ABCD4: variants seen among roughly 807,000 people sequenced by gnomAD.
ABCD4 encodes the protein ATP binding cassette subfamily D member 4, also known as lysosomal cobalamin transporter ABCD4.
A neutral mutation model predicts 86.3 loss-of-function variants in ABCD4; 53 were observed. That is an observed-to-expected ratio of 0.61 (90% confidence interval 0.49 to 0.77). The LOEUF (loss-of-function observed/expected upper bound fraction) is 0.77. Ranked by LOEUF, ABCD4 falls within the 30% of genes least tolerant of loss-of-function variation. ABCD4 has a pLI of 0.00. For synonymous variants in ABCD4, 328 were observed against 313.6 expected, an observed-to-expected ratio of 1.05 and a Z score of -0.49; for missense variants, 757 against 764.5, an observed-to-expected ratio of 0.99 and a Z score of 0.12.
Position 74,288,725 on chromosome 14 carries a change from C to T in ABCD4, c.1497G>A (p.Leu499=). ...CCCTCTCCCCACTTACCAGGCCTGC[C>T]AATTCCAAGAACCTCAAGATCCTCT... is the stretch of plus-strand genomic sequence containing the variant. ...DDERILRFLE[L]AGLSNLVART... The change falls in exon 15 of 19, where the codon TTG becomes TTA. Residue 499 remains leucine, a synonymous_variant. Transcript: ENST00000356924. The T allele has an allele frequency of 1.9e-6, 3 of 1,613,734 alleles. No individual in the cohort carries two copies. The highest frequency in any genetic ancestry group is 4.5e-5 in the East Asian group (2 of 44,872).
chr14:74,299,453 T>TTGCTTCC, intron 3 of ABCD4, 95 bp downstream of exon 3: 1 of 1,497,776 alleles, frequency 6.7e-7, no homozygotes, highest in Non-Finnish European at 9.1e-7. Flanking sequence ...CCCCCACAGC[T>TTGCTTCC]TGCTTCCTGC....
intron 13 of ABCD4, 121 bp from the exon 14 acceptor site, chr14:74,289,640 G>A: frequency 6.7e-7 from 1 of 1,501,382 alleles, no homozygotes. Flanking sequence ...GGAACGCCTG[G>A]CCTGGGTCAG....
chr14:74,300,136 G>A lies in ABCD4; in HGVS notation c.157+14C>T, dbSNP rs766056884. ...AGCTCCCCTCCCTCCTCTAGTCTGG[G>A]CTCACTCACTCACCCAGTAGGGTCA... is the stretch of plus-strand genomic sequence containing the variant. On this transcript the variant is annotated intron_variant, in intron 2 of 18. Transcript: ENST00000356924. The A allele has an allele frequency of 1.9e-6, 3 of 1,540,956 alleles. No individual in the cohort carries two copies. The highest frequency in any genetic ancestry group is 1.1e-5 in the South Asian group (1 of 89,414).
rs200099391 is a variant in ABCD4 at position 74,290,313 on chromosome 14, A to T, written c.1305T>A (p.Gly435=). 1.2e-6 allele frequency: 2 copies of T among 1,614,130 alleles called. No individual in the cohort carries two copies. Among genetic ancestry groups the T allele is most frequent in the East Asian group, 4.5e-5 (2 of 44,876 alleles). ...TGKTSLLRVL[G]GLWTSTRGSV... is the part of the protein sequence containing the mutation. The stretch of plus-strand genomic sequence containing the variant: ...CACCCCGTGTACTCGTCCAGAGGCC[A>T]CCCAGAACCCGGAGCAAGGAGGTCT... The change falls in exon 12 of 19, where the codon GGT becomes GGA. Residue 435 remains glycine, a synonymous_variant. Coordinates refer to ENST00000356924, the MANE Select transcript of ABCD4 (RefSeq NM_005050.4).
At position 74,286,237 on chromosome 14, in the gene ABCD4, A is replaced by G. The variant is rs1351077301; in HGVS notation, c.*224T>C. ...AGCATATGGAGGCTCTGGCTGAGGC[A>G]GCAGAGTCCTGGGAGACTGAACACT... is the stretch of plus-strand genomic sequence containing the variant. On this transcript the variant is annotated 3_prime_UTR_variant, in exon 19 of 19. Transcript: ENST00000356924. 9 of 518,528 alleles carry G rather than the reference A, an allele frequency of 1.7e-5. No homozygotes were observed. The highest frequency in any genetic ancestry group is 2.7e-5 in the Non-Finnish European group (8 of 292,382). The allele number at this position is 518,528 out of a possible 1,614,324, so 32.1% of individuals were successfully genotyped here.
At chr14:74,302,805 G>A (rs1389100663) in intron 1 of ABCD4, 70 bp downstream of exon 1, 10 of 1,442,774 alleles carry the variant, frequency 6.9e-6, no homozygotes, top group South Asian at 5.5e-5. Context: ...AGGCACGGAG[G>A]GCAGGAAAGC....
chr14:74,292,516 T>C (rs372885346), intron 10 of ABCD4, 35 bp downstream of exon 10: 7 of 1,609,200 alleles, frequency 4.3e-6, no homozygotes, highest in Non-Finnish European at 6.0e-6. Flanking sequence ...GCACACACTT[T>C]GCTCAGGAGC....
rs370925066 is a variant in ABCD4, at chr14:74,292,469, CTCTGT to C, written c.1028+77_1028+81del. 6.3e-6 allele frequency: 10 copies of C among 1,590,136 alleles called. No individual in the cohort carries two copies. In the African/African-American group the frequency reaches 8.1e-5, roughly 13 times the overall value. The stretch of plus-strand genomic sequence containing the variant: ...TCACACCCACGAGTACATGGTATGT[CTCTGT>C]TCCTTTTTTCACTCAGCCACTTCTG... On this transcript the variant is annotated intron_variant, in intron 10 of 18. Transcript: ENST00000356924.
At chr14:74,296,648 A>T in intron 4 of ABCD4, 199 bp from the exon 5 acceptor site, 1 of 563,590 alleles carries the variant, frequency 1.8e-6, no homozygotes, top group South Asian at 2.2e-5. Context: ...GGTTCTAGAG[A>T]GTTGCATCTT....
In ABCD4 at chr14:74,299,779, G is replaced by A. The variant is rs1567003120; in HGVS notation, c.158-104C>T. The A allele has an allele frequency of 8.3e-5, 103 of 1,245,744 alleles. No individual in the cohort carries two copies. The East Asian group carries it at 2.6e-3, about 32-fold the overall frequency. The allele number at this position is 1,245,744 out of a possible 1,614,324, so 77.2% of individuals were successfully genotyped here. On this transcript the variant is annotated intron_variant, in intron 2 of 18. Transcript: ENST00000356924. ...ATCAGCACCCCAAAGAGATGAAAAG[G>A]GGCCGGGCGCGGTGGCTCACGCCTG...
chr14:74,298,436 T>C (rs1364136090), intron 3 of ABCD4, among the ~76,000 whole-genome samples: 1 of 152,114 alleles, frequency 6.6e-6, no homozygotes, highest in Non-Finnish European at 1.5e-5. Context: ...CACGCCCAGC[T>C]AATTTTGTAT....
intron 5 of ABCD4, 57 bp from the exon 6 acceptor site, chr14:74,296,036 C>T (rs956115652): frequency 1.4e-5 from 22 of 1,547,014 alleles, no homozygotes; most frequent in Non-Finnish European, 1.7e-5. Flanking sequence ...CCTATCCCCA[C>T]ATGCCTCAGC....
chr14:74,289,770 T>C (rs2080954607), intron 13 of ABCD4: 6 of 1,433,884 alleles, frequency 4.2e-6, no homozygotes, highest in Non-Finnish European at 5.5e-6. Context: ...CGACCTTGGG[T>C]GTTTGACATA....
intron 1 of ABCD4, among the ~76,000 whole-genome samples, chr14:74,302,207 G>GA (rs1170570509): frequency 1.3e-5 from 2 of 152,026 alleles, no homozygotes; most frequent in Non-Finnish European, 1.5e-5. Flanking sequence ...GTTAATACTA[G>GA]AAAAAAATCT....
chr14:74,297,789 C>G, intron 4 of ABCD4, 141 bp downstream of exon 4: 2 of 1,413,764 alleles, frequency 1.4e-6, no homozygotes, highest in Non-Finnish European at 1.8e-6. Context: ...CTGCAGGGCA[C>G]CCTCCCCCAT....
At chr14:74,292,509 C>A (rs1229791869) in intron 10 of ABCD4, 42 bp downstream of exon 10, 7 of 1,606,374 alleles carry the variant, frequency 4.4e-6, no homozygotes, top group Non-Finnish European at 6.0e-6. Flanking sequence ...GCCAGCAGCA[C>A]ACACTTTGCT....
chr14:74,296,592 A>T, intron 4 of ABCD4, 143 bp from the exon 5 acceptor site: 3 of 711,162 alleles, frequency 4.2e-6, no homozygotes, highest in Non-Finnish European at 4.7e-6. Flanking sequence ...GGAACCAGAC[A>T]AGGCTGGTTT....
At chr14:74,288,014 C>G in intron 16 of ABCD4, 128 bp from the exon 17 acceptor site, 1 of 1,100,342 alleles carries the variant, frequency 9.1e-7, no homozygotes, top group Non-Finnish European at 1.3e-6. Context: ...AGCCCCTTCC[C>G]TTTCGACCAT....
chr14:74,300,397 T>C, intron 1 of ABCD4, 129 bp from the exon 2 acceptor site: 1 of 653,532 alleles, frequency 1.5e-6, no homozygotes, highest in Non-Finnish European at 2.7e-6. Flanking sequence ...TTTCAAATGC[T>C]GAAGATGGTA....
Sources: allele counts gnomAD v4.1 joint callset (sites outside exome capture counted in the v4.1 genomes callset), GRCh38; gene constraint gnomAD v4.1.1; transcripts MANE v1.5; gene names NCBI Gene and HGNC (gene_info 2026-07-23, HGNC 2026-07-21).